The following KIAA1958 variants were observed in gnomAD, a reference collection of about 807,000 sequenced individuals.
KIAA1958 encodes KIAA1958.
Under a neutral mutation model 47.2 loss-of-function variants are expected in KIAA1958, and 14 were observed. That is an observed-to-expected ratio of 0.30 (90% CI 0.20 to 0.46). The LOEUF (loss-of-function observed/expected upper bound fraction) is 0.46, where lower values mean the gene tolerates loss of function less well. KIAA1958 is among the 20% of genes least tolerant of loss of function. The pLI, the probability that KIAA1958 is intolerant of heterozygous loss-of-function variation, is 1.00. For missense variants in KIAA1958, 803 were observed against 909.2 expected, an observed-to-expected ratio of 0.88 and a Z score of 1.50; for synonymous variants, 354 against 353.3, an observed-to-expected ratio of 1.00 and a Z score of -0.02.
chr9:112,553,666 G>A (rs1232963593), intron 1 of KIAA1958, among the ~76,000 whole-genome samples: 1 of 152,118 alleles, frequency 6.6e-6, no homozygotes, highest in Non-Finnish European at 1.5e-5. Flanking sequence ...TATCTTTATT[G>A]TTAATTTCTC....
At chr9:112,610,253 T>C (rs1170976943) in intron 2 of KIAA1958, among the ~76,000 whole-genome samples, 2 of 151,642 alleles carry the variant, frequency 1.3e-5, no homozygotes, top group African/African-American at 4.8e-5. Flanking sequence ...TTTATATACT[T>C]AAAAATTTTA....
chr9:112,489,127 A>G (rs1387324485), intron 1 of KIAA1958, among the ~76,000 whole-genome samples: 2 of 152,244 alleles, frequency 1.3e-5, no homozygotes, highest in Non-Finnish European at 2.9e-5. Flanking sequence ...GTAATAGCCC[A>G]AAGAGAAGAG....
chr9:112,487,752 GTGTT>G (rs1372504534), intron 1 of KIAA1958, among the ~76,000 whole-genome samples: 1 of 152,004 alleles, frequency 6.6e-6, no homozygotes, highest in Non-Finnish European at 1.5e-5. Context: ...ACAGTGATTT[GTGTT>G]TGTTATCAAA....
chr9:112,564,868 G>T (rs1167773028), intron 1 of KIAA1958, among the ~76,000 whole-genome samples: 4 of 152,292 alleles, frequency 2.6e-5, no homozygotes, highest in Non-Finnish European at 1.5e-5. Context: ...TCTAGAGTAA[G>T]ACTTAAGTTC....
chr9:112,600,002 T>A (rs1191974817), intron 2 of KIAA1958, among the ~76,000 whole-genome samples: 1 of 152,194 alleles, frequency 6.6e-6, no homozygotes, highest in African/African-American at 2.4e-5. Context: ...TCCTGTGGGT[T>A]TCATGCTGCT....
chr9:112,639,291 A>G (rs1564198496), intron 2 of KIAA1958, among the ~76,000 whole-genome samples: 1 of 152,138 alleles, frequency 6.6e-6, no homozygotes, highest in Admixed American at 6.5e-5. Flanking sequence ...TCAGACTCCA[A>G]CACCCAACTG....
chr9:112,626,311 A>G (rs888201998), intron 2 of KIAA1958, among the ~76,000 whole-genome samples: 1 of 152,160 alleles, frequency 6.6e-6, no homozygotes, highest in Non-Finnish European at 1.5e-5. Flanking sequence ...TACAAATCAT[A>G]TTTACCAGAT....
intron 2 of KIAA1958, among the ~76,000 whole-genome samples, chr9:112,606,400 G>T (rs997280586): frequency 6.6e-6 from 1 of 152,074 alleles, no homozygotes; most frequent in Non-Finnish European, 1.5e-5. Flanking sequence ...TTGCATATTT[G>T]TAGTTGCCAT....
chr9:112,588,111 C>G (rs2131187274), intron 2 of KIAA1958, among the ~76,000 whole-genome samples: 1 of 152,348 alleles, frequency 6.6e-6, no homozygotes, highest in Admixed American at 6.5e-5. Flanking sequence ...CTGCTTCTCA[C>G]AATCTTCTTA....
intron 2 of KIAA1958, among the ~76,000 whole-genome samples, chr9:112,589,681 G>T (rs62568628): frequency 3.3e-5 from 5 of 152,126 alleles, no homozygotes; most frequent in Admixed American, 3.3e-4. Flanking sequence ...GATGGGATAT[G>T]TTGTGAAAAG....
intron 2 of KIAA1958, among the ~76,000 whole-genome samples, chr9:112,620,800 GAA>G (rs140344058): frequency 2.1e-5 from 3 of 143,978 alleles, no homozygotes; most frequent in African/African-American, 7.6e-5. Flanking sequence ...TAAAAAAAAA[GAA>G]AAAAAAAATA....
At chr9:112,615,232 C>A (rs1836390374) in intron 2 of KIAA1958, among the ~76,000 whole-genome samples, 1 of 151,810 alleles carries the variant, frequency 6.6e-6, no homozygotes, top group Admixed American at 6.6e-5. Flanking sequence ...ACCAGCCTGG[C>A]CAACATGGTG....
chr9:112,595,235 A>G (rs925984580), intron 2 of KIAA1958, among the ~76,000 whole-genome samples: 10 of 152,248 alleles, frequency 6.6e-5, no homozygotes, highest in African/African-American at 2.4e-4. Flanking sequence ...ATAATCCATA[A>G]TGAAGTGACG....
At chr9:112,607,346 GA>G (rs374001653) in intron 2 of KIAA1958, among the ~76,000 whole-genome samples, 72 of 144,444 alleles carry the variant, frequency 5.0e-4, no homozygotes, top group Non-Finnish European at 7.8e-4. Context: ...AAAGAAAAAA[GA>G]AAAAAAAAAG....
intron 1 of KIAA1958, among the ~76,000 whole-genome samples, chr9:112,548,470 G>T (rs917670786): frequency 1.3e-5 from 2 of 152,086 alleles, no homozygotes; most frequent in Non-Finnish European, 2.9e-5. Flanking sequence ...ATCTCCTGGG[G>T]CTGTGTCATG....
intron 1 of KIAA1958, among the ~76,000 whole-genome samples, chr9:112,520,395 G>A (rs907519624): frequency 6.6e-6 from 1 of 152,184 alleles, no homozygotes; most frequent in Non-Finnish European, 1.5e-5. Context: ...AACAGCATAT[G>A]CTTGATGCTT....
intron 1 of KIAA1958, among the ~76,000 whole-genome samples, chr9:112,544,271 G>A (rs1040352513): frequency 3.3e-5 from 5 of 152,216 alleles, no homozygotes; most frequent in African/African-American, 7.2e-5. Flanking sequence ...ATCTGAGAGG[G>A]CCCTGCGAGA....
intron 2 of KIAA1958, among the ~76,000 whole-genome samples, chr9:112,602,233 C>T (rs1836146748): frequency 1.3e-5 from 2 of 151,888 alleles, no homozygotes; most frequent in South Asian, 4.2e-4. Context: ...GTTTTTTCCC[C>T]CAAAAGATTG....
chr9:112,546,974 G>A (rs558279520), intron 1 of KIAA1958, among the ~76,000 whole-genome samples: 3 of 150,872 alleles, frequency 2.0e-5, no homozygotes, highest in South Asian at 2.1e-4. Flanking sequence ...AGACAGTCCC[G>A]TCTGCTGCCC....
Sources: gnomAD v4.1 joint callset for allele counts (sites outside exome capture counted in the v4.1 genomes callset) on GRCh38, gnomAD v4.1.1 for gene constraint, MANE v1.5 for transcripts, NCBI Gene and HGNC (gene_info 2026-07-23, HGNC 2026-07-21) for gene names.